ZNF536: variants seen among roughly 807,000 people sequenced by gnomAD.
ZNF536 encodes the protein zinc finger protein 536.
A neutral mutation model predicts 84.5 loss-of-function variants in ZNF536; 13 were observed. That is an observed-to-expected ratio of 0.15 (90% CI 0.10 to 0.24). The LOEUF (loss-of-function observed/expected upper bound fraction) is 0.24, where lower values mean the gene tolerates loss of function less well. Ranked by LOEUF, ZNF536 falls within the 10% of genes least tolerant of loss-of-function variation. The pLI is 1.00. For missense variants in ZNF536, 1,536 were observed against 1,747.5 expected (o/e 0.88, Z 2.16); for synonymous variants, 811 against 742.5 (o/e 1.09, Z -1.50).
chr19:30,627,509 T>G, intron 1 of ZNF536, among the ~76,000 whole-genome samples: 1 of 135,780 alleles, frequency 7.4e-6, no homozygotes, highest in Non-Finnish European at 1.5e-5. Context: ...AAAAAGGCTT[T>G]CTATGCTGGA....
intron 1 of ZNF536, among the ~76,000 whole-genome samples, chr19:30,399,686 T>G (rs530937263): frequency 4.0e-5 from 6 of 149,946 alleles, no homozygotes; most frequent in Non-Finnish European, 8.9e-5. Flanking sequence ...AATGTTTTTT[T>G]TTTTTTTTTT....
chr19:30,636,057 C>A (rs2049054530), intron 1 of ZNF536, among the ~76,000 whole-genome samples: 1 of 152,192 alleles, frequency 6.6e-6, no homozygotes, highest in Non-Finnish European at 1.5e-5. Flanking sequence ...AAACACCCAG[C>A]CAAAGGATGT....
At chr19:30,531,770 A>C (rs574730099) in intron 2 of ZNF536, among the ~76,000 whole-genome samples, 79 of 152,170 alleles carry the variant, frequency 5.2e-4, no homozygotes, top group African/African-American at 1.8e-3. Flanking sequence ...GACTACAGGC[A>C]TGCCCCACCA....
rs182207272 is a variant in ZNF536, at chr19:30,581,926, G to A, written c.169+32412G>A. On this transcript the variant is annotated intron_variant, in intron 1 of 1. Transcript: ENST00000592773. ...TCCAGCCTGGTGACAGAGCCAGAGC[G>A]AGACTCCTCTGTGTAAAACAAAACA... is the stretch of plus-strand genomic sequence containing the variant. Among the ~76,000 whole-genome samples the A allele has an allele frequency of 8.9e-4, 136 of 152,258 alleles. No individual in the cohort carries two copies. The Middle Eastern group carries it at 0.02, about 23-fold the overall frequency.
chr19:30,527,139 G>A (rs955488044), intron 2 of ZNF536, among the ~76,000 whole-genome samples: 2 of 149,572 alleles, frequency 1.3e-5, no homozygotes, highest in African/African-American at 2.5e-5. Flanking sequence ...GGTTGGTCTC[G>A]AACTCCTGAC....
chr19:30,345,497 T>A (rs1053883870), intron 2 of ZNF536, among the ~76,000 whole-genome samples: 15 of 152,240 alleles, frequency 9.9e-5, no homozygotes, highest in African/African-American at 3.6e-4. Flanking sequence ...GGTAAAGGTA[T>A]AAGCAGATGT....
At chr19:30,681,255 A>G (rs769627649) in intron 1 of ZNF536, among the ~76,000 whole-genome samples, 1 of 152,152 alleles carries the variant, frequency 6.6e-6, no homozygotes, top group Non-Finnish European at 1.5e-5. Flanking sequence ...ACAGGAACCC[A>G]CAAGGGTCCT....
At chr19:30,442,666 A>G (rs1002551720) in intron 1 of ZNF536, among the ~76,000 whole-genome samples, 1 of 152,242 alleles carries the variant, frequency 6.6e-6, no homozygotes, top group Non-Finnish European at 1.5e-5. Flanking sequence ...TTCCGTCAGG[A>G]GATAATTTAT....
chr19:30,616,105 T>C (rs4511648), intron 1 of ZNF536, among the ~76,000 whole-genome samples: 131,643 of 152,242 alleles, frequency 0.86, 57,021 homozygotes, highest in East Asian at 0.98. Flanking sequence ...TATTCTGGTA[T>C]GGAGTCATAT....
chr19:30,679,552 CCACGACTTCTGGGAAACGT>C (rs1343801035), intron 1 of ZNF536, among the ~76,000 whole-genome samples: 1 of 152,174 alleles, frequency 6.6e-6, no homozygotes, highest in East Asian at 1.9e-4. Flanking sequence ...TGCCCCCTCC[CCACGACTTCTGGGAAACGT>C]CACCTCTTTA....
intron 1 of ZNF536, chr19:30,436,619 G>T: frequency 1.9e-5 from 9 of 485,288 alleles, no homozygotes; most frequent in Non-Finnish European, 2.4e-5. Context: ...TTTCAGAACA[G>T]GAGTGTATTA....
intron 1 of ZNF536, among the ~76,000 whole-genome samples, chr19:30,690,520 A>T (rs1486552646): frequency 6.6e-6 from 1 of 152,138 alleles, no homozygotes; most frequent in Non-Finnish European, 1.5e-5. Context: ...TGCAAAGTAG[A>T]TATTTGTTTG....
chr19:30,695,395 T>C (rs1472990950), intron 1 of ZNF536, among the ~76,000 whole-genome samples: 1 of 152,192 alleles, frequency 6.6e-6, no homozygotes, highest in African/African-American at 2.4e-5. Flanking sequence ...GTTTCCAGCC[T>C]CCTAGAGCCA....
chr19:30,419,953 A>C (rs4805563), intron 1 of ZNF536, among the ~76,000 whole-genome samples: 149,716 of 152,260 alleles, frequency 0.98, 73,633 homozygotes, highest in African/African-American at 0.99. Context: ...CTGCTTCTGG[A>C]GGCTGGAGGA....
chr19:30,382,382 T>G (rs996049439), intron 1 of ZNF536, among the ~76,000 whole-genome samples: 11 of 152,144 alleles, frequency 7.2e-5, no homozygotes, highest in African/African-American at 2.4e-4. Flanking sequence ...TCCAAGACAT[T>G]TGGGTGGAAA....
intron 1 of ZNF536, among the ~76,000 whole-genome samples, chr19:30,673,721 G>A (rs796412043): frequency 2.0e-4 from 31 of 152,204 alleles, no homozygotes; most frequent in African/African-American, 5.8e-4. Flanking sequence ...TCTCACATGC[G>A]TGCCCACCAC....
chr19:30,617,650 T>C (rs947117204), intron 1 of ZNF536, among the ~76,000 whole-genome samples: 3 of 152,016 alleles, frequency 2.0e-5, no homozygotes, highest in Non-Finnish European at 2.9e-5. Context: ...ACACCTGGCC[T>C]GAATAGCTTA....
intron 2 of ZNF536, among the ~76,000 whole-genome samples, chr19:30,319,583 T>C (rs2046791466): frequency 6.6e-6 from 1 of 152,222 alleles, no homozygotes; most frequent in South Asian, 2.1e-4. Flanking sequence ...GCAGGGCAGA[T>C]TTTTAGAGGG....
In ZNF536 at chr19:30,445,411, G is replaced by A. The variant is rs2148223523; in HGVS notation, c.1849G>A (p.Glu617Lys). The change falls in exon 2 of 5, where the codon GAG (glutamate) becomes AAG (lysine). Residue 617 changes from glutamate to lysine, a missense_variant. Transcript: ENST00000355537. This position sits in a 1 kb window ranked among gnomAD's most constrained non-coding sequence, Gnocchi z 4.5. Reference sequence around the variant, plus strand: ...GTCACACGGGCTGAACCAGACTCTCGAGTATAACCTGCAGGGTCCTGGGAA... The same window carrying A: ...GTCACACGGGCTGAACCAGACTCTCAAGTATAACCTGCAGGGTCCTGGGAA... ...FLSHGLNQTL[E>K]YNLQGPGNMK... is the part of the protein sequence containing the mutation. 1 of 1,614,086 alleles carries A rather than the reference G, an allele frequency of 6.2e-7. No homozygotes were observed. The highest frequency in any genetic ancestry group is 1.1e-5 in the South Asian group (1 of 91,068).
Sources: allele counts gnomAD v4.1 joint callset (sites outside exome capture counted in the v4.1 genomes callset), GRCh38; gene constraint gnomAD v4.1.1; non-coding constraint Gnocchi (gnomAD v3.1); transcripts MANE v1.5; gene names NCBI Gene and HGNC (gene_info 2026-07-23, HGNC 2026-07-21).